The following MYO5B variants were observed in gnomAD, a reference collection of about 807,000 sequenced individuals.
MYO5B encodes the protein unconventional myosin-Vb.
In MYO5B, 143 loss-of-function variants were observed where a neutral mutation model predicts 229.3. The observed-to-expected ratio is 0.62, with a 90% CI of 0.54 to 0.72. The LOEUF (loss-of-function observed/expected upper bound fraction) is 0.72, where lower values mean the gene tolerates loss of function less well. Ranked by LOEUF, MYO5B falls within the 30% of genes least tolerant of loss-of-function variation. The pLI is 0.00. For synonymous variants in MYO5B, 918 were observed against 885.2 expected (o/e 1.04, Z -0.66); for missense variants, 2,321 against 2,331.0 (o/e 1.00, Z 0.09).
chr18:49,993,768 C>T (rs1009451178), intron 5 of MYO5B, among the ~76,000 whole-genome samples: 1 of 152,192 alleles, frequency 6.6e-6, no homozygotes, highest in Non-Finnish European at 1.5e-5. Flanking sequence ...CCACTCCCAT[C>T]TTCCACCTGC....
At chr18:50,153,227 A>G (rs1001295383) in intron 1 of MYO5B, among the ~76,000 whole-genome samples, 4 of 152,164 alleles carry the variant, frequency 2.6e-5, no homozygotes, top group African/African-American at 9.7e-5. Flanking sequence ...GTCATGTTCA[A>G]TGTTTCAAAG....
At chr18:50,106,877 T>A (rs190915932) in intron 1 of MYO5B, among the ~76,000 whole-genome samples, 1 of 152,172 alleles carries the variant, frequency 6.6e-6, no homozygotes, top group African/African-American at 2.4e-5. Context: ...GCCACATAAC[T>A]CTATGTCCCT....
intron 1 of MYO5B, among the ~76,000 whole-genome samples, chr18:50,076,888 A>G (rs1266741095): frequency 6.6e-6 from 1 of 151,686 alleles, no homozygotes; most frequent in African/African-American, 2.4e-5. Context: ...TTTCTGTTAC[A>G]CTGAACAATA....
At chr18:50,056,125 C>CA (rs917328751) in intron 1 of MYO5B, among the ~76,000 whole-genome samples, 1 of 152,156 alleles carries the variant, frequency 6.6e-6, no homozygotes, top group Non-Finnish European at 1.5e-5. Context: ...TCACCTTCAC[C>CA]AAGTAGCTAT....
chr18:50,182,042 G>C (rs988755065), intron 1 of MYO5B, among the ~76,000 whole-genome samples: 2 of 152,186 alleles, frequency 1.3e-5, no homozygotes, highest in African/African-American at 2.4e-5. Flanking sequence ...AAGGTCAAAA[G>C]CCTACTTTTG....
chr18:50,185,560 T>C (rs1040014987), intron 1 of MYO5B, among the ~76,000 whole-genome samples: 2 of 152,224 alleles, frequency 1.3e-5, no homozygotes, highest in Non-Finnish European at 1.5e-5. Flanking sequence ...AAAGAAATGA[T>C]AAATGTTTGA....
chr18:50,055,306 CT>C lies in MYO5B; in HGVS notation c.99del (p.Gly34GlufsTer41). On this transcript the variant is annotated frameshift_variant, in exon 2 of 40. Transcript: ENST00000285039. LOFTEE classifies it high-confidence loss of function. ...RSAELTKDYK[E>X]GDKSLQLRLE... Reference sequence around the variant, plus strand: ...AGTCTGAGCTGTAGGCTCTTGTCTCCTTCTTTGTAGTCCTTGGTTAACTCAG... The same window carrying C: ...AGTCTGAGCTGTAGGCTCTTGTCTCCTCTTTGTAGTCCTTGGTTAACTCAG... 1 of 1,591,096 alleles carries C rather than the reference CT, an allele frequency of 6.3e-7. No individual in the cohort carries two copies. The highest frequency in any genetic ancestry group is 8.6e-7 in the Non-Finnish European group (1 of 1,166,708).
At chr18:49,859,860 C>G (rs1304917237) in intron 29 of MYO5B, among the ~76,000 whole-genome samples, 2 of 152,206 alleles carry the variant, frequency 1.3e-5, no homozygotes, top group Non-Finnish European at 2.9e-5. Flanking sequence ...AGCAAGGCAG[C>G]CCACAGCAGC....
chr18:49,951,749 CAG>C (rs1431133674), intron 14 of MYO5B, among the ~76,000 whole-genome samples: 4 of 152,186 alleles, frequency 2.6e-5, no homozygotes, highest in Non-Finnish European at 5.9e-5. Flanking sequence ...ACTGAGACAA[CAG>C]AGTTTTCTGG....
At chr18:50,030,002 G>A (rs1598965188) in intron 4 of MYO5B, among the ~76,000 whole-genome samples, 1 of 152,256 alleles carries the variant, frequency 6.6e-6, no homozygotes, top group Admixed American at 6.5e-5. Context: ...ACCACCTTAT[G>A]CCAAAACTGA....
chr18:49,849,850 G>A (rs927883974), intron 31 of MYO5B, 190 bp from the exon 32 acceptor site: 2 of 640,506 alleles, frequency 3.1e-6, no homozygotes, highest in African/African-American at 1.8e-5. Flanking sequence ...CTCAGGAAGT[G>A]GGAGATGATG....
In MYO5B at chr18:49,861,367, C is replaced by T. The variant is rs28510787; in HGVS notation, c.3944+1860G>A. ...GAATAAAAGAGGCTGCCAATGGTGA[C>T]GGCTCTGAAGATCGGGGAGATACGC... On this transcript the variant is annotated intron_variant, in intron 29 of 39. Transcript: ENST00000285039. Among the ~76,000 whole-genome samples the T allele has an allele frequency of 8.4e-3, 1,274 of 152,282 alleles. 12 individuals carry two copies. The highest frequency in any genetic ancestry group is 0.028 in the African/African-American group (1,178 of 41,540).
intron 26 of MYO5B, among the ~76,000 whole-genome samples, 158 bp from the exon 27 acceptor site, chr18:49,872,390 G>T (rs1216315725): frequency 6.6e-6 from 1 of 151,162 alleles, no homozygotes; most frequent in Admixed American, 6.6e-5. Flanking sequence ...TCAAAGTGCA[G>T]CTCAACACTC....
At chr18:50,172,435 C>T (rs2032933124) in intron 1 of MYO5B, among the ~76,000 whole-genome samples, 1 of 152,070 alleles carries the variant, frequency 6.6e-6, no homozygotes, top group Non-Finnish European at 1.5e-5. Context: ...CCAGTGTATT[C>T]CTGATACCAC....
At chr18:50,163,486 C>T (rs1199864127) in intron 1 of MYO5B, among the ~76,000 whole-genome samples, 3 of 152,192 alleles carry the variant, frequency 2.0e-5, no homozygotes, top group Non-Finnish European at 4.4e-5. Flanking sequence ...AAACCCCTGG[C>T]TGCAGCTCTG....
chr18:50,039,443 T>C (rs572471706), intron 3 of MYO5B, among the ~76,000 whole-genome samples: 27 of 152,236 alleles, frequency 1.8e-4, no homozygotes, highest in Admixed American at 1.3e-3. Flanking sequence ...GCGATTCTCC[T>C]GCCTCAGCCT....
intron 10 of MYO5B, among the ~76,000 whole-genome samples, chr18:49,973,135 T>C (rs2025708947): frequency 6.6e-6 from 1 of 152,136 alleles, no homozygotes; most frequent in African/African-American, 2.4e-5. Context: ...CCTTCCACAA[T>C]TTCTTCTGAT....
intron 25 of MYO5B, 82 bp from the exon 26 acceptor site, chr18:49,875,909 T>C: frequency 6.5e-7 from 1 of 1,532,830 alleles, no homozygotes; most frequent in Admixed American, 1.7e-5. Context: ...TGCCTCCCTC[T>C]ATATCAGCCA....
At chr18:49,945,440 G>C (rs941154339) in intron 14 of MYO5B, among the ~76,000 whole-genome samples, 9 of 142,308 alleles carry the variant, frequency 6.3e-5, no homozygotes, top group Middle Eastern at 7.1e-3. Context: ...CCACAGGGGA[G>C]TATCATGCAG....
Sources: allele counts gnomAD v4.1 joint callset (sites outside exome capture counted in the v4.1 genomes callset), GRCh38; gene constraint gnomAD v4.1.1; transcripts MANE v1.5; gene names NCBI Gene and HGNC (gene_info 2026-07-23, HGNC 2026-07-21).